The following TMEM150A variants were observed in gnomAD, a reference collection of about 807,000 sequenced individuals.
TMEM150A encodes the protein transmembrane protein 150A, also known as fasting-inducible integral membrane protein TM6P1.
A neutral mutation model predicts 29.8 loss-of-function variants in TMEM150A; 18 were observed. That is an observed-to-expected ratio of 0.60 (90% confidence interval 0.42 to 0.90). The LOEUF (loss-of-function observed/expected upper bound fraction) is 0.90. Ranked by LOEUF, TMEM150A falls within the 40% of genes least tolerant of loss-of-function variation. The probability of loss-of-function intolerance (pLI) is 0.00; values close to 1 mark genes in which losing one functional copy is unlikely to be tolerated. For missense variants in TMEM150A, 251 were observed against 349.7 expected (o/e 0.72, Z 2.25); for synonymous variants, 127 against 143.6 (o/e 0.88, Z 0.83).
chr2:85,599,938 T>G lies in TMEM150A; in HGVS notation c.349A>C (p.Thr117Pro). ...AGGCCCGCAGCGTTGGTGCAGCCTGTGATGAGTGCCGTGGTGTTAACCCAA... is the reference window on the plus strand; with the variant it reads ...AGGCCCGCAGCGTTGGTGCAGCCTGGGATGAGTGCCGTGGTGTTAACCCAA... ...HSWVNTTALI[T>P]GCTNAAGLLV... The change falls in exon 6 of 8, where the codon ACA becomes CCA. Residue 117 changes from threonine to proline, a missense_variant. Transcript: ENST00000334462. This position sits in a 1 kb window ranked among gnomAD's most constrained non-coding sequence, Gnocchi z 6.0. 3.1e-6 allele frequency: 5 copies of G among 1,612,482 alleles called. No individual in the cohort carries two copies. Among genetic ancestry groups the G allele is most frequent in the Non-Finnish European group, 4.2e-6 (5 of 1,179,866 alleles).
At position 85,602,514 on chromosome 2, in the gene TMEM150A, AC is replaced by A. The variant is rs1673033135; in HGVS notation, c.-117+92del. 6.6e-6 allele frequency: 1 copy of A among 151,284 alleles called. No individual in the cohort carries two copies. Among genetic ancestry groups the A allele is most frequent in the African/African-American group, 2.4e-5 (1 of 41,116 alleles). 9.4% of individuals were successfully genotyped at this position (151,284 alleles called of 1,614,324 possible). ...GCGCGGGGACCCCGGCTGGGGCCGG[AC>A]CCTGCGGCCGGCGACCCCCCAGGAC... On this transcript the variant is annotated intron_variant, in intron 1 of 7. Coordinates refer to ENST00000334462, the MANE Select transcript of TMEM150A (RefSeq NM_001031738.3). This position sits in a 1 kb window ranked among gnomAD's most constrained non-coding sequence, Gnocchi z 5.6.
Position 85,599,452 on chromosome 2 carries a change from C to A in TMEM150A, c.574+73G>T. On this transcript the variant is annotated intron_variant, in intron 7 of 7. Coordinates refer to ENST00000334462, the MANE Select transcript of TMEM150A (RefSeq NM_001031738.3). The surrounding 1 kb of genome is among the most constrained non-coding windows in gnomAD (Gnocchi z 6.0). ...CCACATGGCAGTGTTAGGCCTCCAC[C>A]CCCCATCCTCTTGGGAGGGAGAAAG... 6.4e-7 allele frequency: 1 copy of A among 1,566,924 alleles called. No homozygotes were observed. Among genetic ancestry groups the A allele is most frequent in the Non-Finnish European group, 8.6e-7 (1 of 1,156,652 alleles).
rs1672969179 is a variant in TMEM150A at position 85,601,664 on chromosome 2, G to A, written c.66-182C>T. 1.2e-6 allele frequency: 1 copy of A among 841,898 alleles called. No homozygotes were observed. The highest frequency in any genetic ancestry group is 1.9e-6 in the Non-Finnish European group (1 of 528,942). 52.2% of individuals were successfully genotyped at this position (841,898 alleles called of 1,614,324 possible). A position where few individuals can be genotyped will look rare whatever the true frequency, so the allele number is the denominator to read the frequency against. ...ACCTGCAGCATGCCCCCAGCTACAG[G>A]CCCTCTGGAAATTGCCCTGGCTAGA... On this transcript the variant is annotated intron_variant, in intron 2 of 7. Transcript: ENST00000334462. The surrounding 1 kb of genome is among the most constrained non-coding windows in gnomAD (Gnocchi z 4.0).
chr2:85,602,119 G>A lies in TMEM150A; in HGVS notation c.-116-55C>T. ...GGGTAACTGGCCGGGAAGGGGGAGG[G>A]GAAGGGGGTCAACACCTTATCCAGC... On this transcript the variant is annotated intron_variant, in intron 1 of 7. Transcript: ENST00000334462. This position sits in a 1 kb window ranked among gnomAD's most constrained non-coding sequence, Gnocchi z 5.6. 2 of 626,718 alleles carry A rather than the reference G, an allele frequency of 3.2e-6. No individual in the cohort carries two copies. The highest frequency in any genetic ancestry group is 2.9e-6 in the Non-Finnish European group (1 of 342,752). 38.8% of individuals were successfully genotyped at this position (626,718 alleles called of 1,614,324 possible). A position where few individuals can be genotyped will look rare whatever the true frequency, so the allele number is the denominator to read the frequency against.
rs944823254 is a variant in TMEM150A, at chr2:85,602,165, C to A, written c.-116-101G>T. ...CCAGCGCTCCCGTTGGGTCTCTGAG[C>A]GTCCAAAGTTTGGGCTGAGCCCACG... On this transcript the variant is annotated intron_variant, in intron 1 of 7. Coordinates refer to ENST00000334462, the MANE Select transcript of TMEM150A (RefSeq NM_001031738.3). This position sits in a 1 kb window ranked among gnomAD's most constrained non-coding sequence, Gnocchi z 5.6. The A allele has an allele frequency of 7.8e-6, 4 of 514,980 alleles. No individual in the cohort carries two copies. In the East Asian group the frequency reaches 1.0e-4, roughly 13 times the overall value. 31.9% of individuals were successfully genotyped at this position (514,980 alleles called of 1,614,324 possible).
rs753871969 is a variant in TMEM150A, at chr2:85,602,000, A to G, written c.-52T>C. The G allele has an allele frequency of 3.9e-6, 6 of 1,541,810 alleles. No homozygotes were observed. In the African/African-American group the frequency reaches 5.4e-5, roughly 14 times the overall value. ...GTGTTGGGGGGAGGACAAGAGGTAG[A>G]TGGGGAAGTGGGGGCGGACCAGCTA... On this transcript the variant is annotated 5_prime_UTR_variant, in exon 2 of 8. Coordinates refer to ENST00000334462, the MANE Select transcript of TMEM150A (RefSeq NM_001031738.3). The surrounding 1 kb of genome is among the most constrained non-coding windows in gnomAD (Gnocchi z 4.0).
rs1292973815 is a variant in TMEM150A at position 85,602,530 on chromosome 2, C to G, written c.-117+77G>C. On this transcript the variant is annotated intron_variant, in intron 1 of 7. Transcript: ENST00000334462. This position sits in a 1 kb window ranked among gnomAD's most constrained non-coding sequence, Gnocchi z 5.6. ...TGGGGCCGGACCCTGCGGCCGGCGA[C>G]CCCCCAGGACCCGGGACGCGAGAGT... 1.3e-5 allele frequency: 2 copies of G among 151,614 alleles called. No individual in the cohort carries two copies. Among genetic ancestry groups the G allele is most frequent in the South Asian group, 4.2e-4 (2 of 4,800 alleles). 9.4% of individuals were successfully genotyped at this position (151,614 alleles called of 1,614,324 possible).
In TMEM150A at chr2:85,600,372, G is replaced by C; in HGVS notation, c.241C>G (p.Leu81Val). 6.2e-7 allele frequency: 1 copy of C among 1,614,006 alleles called. No individual in the cohort carries two copies. The highest frequency in any genetic ancestry group is 2.2e-5 in the East Asian group (1 of 44,866). The change falls in exon 5 of 8, where the codon CTC becomes GTC. Residue 81 changes from leucine (L) to valine (V), a missense_variant. By Grantham distance (32) the Leu-to-Val change is conservative (BLOSUM62 1). Transcript: ENST00000334462. The part of the protein sequence containing the change: ...SYPPESCLFS[L>V]IGNMGAFMVA... The stretch of plus-strand genomic sequence containing the variant: ...ATGAAAGCACCCATGTTGCCAATGA[G>C]GCTGAAGAGGCAGCTTTCTGGGGGA...
chr2:85,599,577 CACAGCCAGG>C lies in TMEM150A; in HGVS notation c.513_521del (p.Asp171_Val174delinsGlu). ...CAGCCAGCACACTTCGCAGATAGGC[CACAGCCAGG>C]TCCAGCGGGGCGGTGGCCCCTTGGT... On this transcript the variant is annotated inframe_deletion, in exon 7 of 8. Transcript: ENST00000334462. This position sits in a 1 kb window ranked among gnomAD's most constrained non-coding sequence, Gnocchi z 6.0. The C allele has an allele frequency of 6.2e-7, 1 of 1,613,950 alleles. No homozygotes were observed. Among genetic ancestry groups the C allele is most frequent in the Non-Finnish European group, 8.5e-7 (1 of 1,179,906 alleles).
Position 85,599,924 on chromosome 2 carries a change from G to T in TMEM150A, c.363C>A (p.Asn121Lys). 6.2e-7 allele frequency: 1 copy of T among 1,613,524 alleles called. No homozygotes were observed. Among genetic ancestry groups the T allele is most frequent in the Non-Finnish European group, 8.5e-7 (1 of 1,180,016 alleles). ...TGCCAACCACCAAGAGGCCCGCAGC[G>T]TTGGTGCAGCCTGTGATGAGTGCCG... is the stretch of plus-strand genomic sequence containing the variant. ...NTTALITGCTNAAGLLVVGNF... is the reference protein window; with the variant it reads ...NTTALITGCTKAAGLLVVGNF... Residue 121 changes from asparagine to lysine, a missense_variant, in exon 6 of 8, where the codon AAC (asparagine) becomes AAA (lysine). Asn to Lys is a moderately conservative substitution (Grantham distance 94). Transcript: ENST00000334462. This position sits in a 1 kb window ranked among gnomAD's most constrained non-coding sequence, Gnocchi z 6.0.
rs1484795525 is a variant in TMEM150A at position 85,601,134 on chromosome 2, G to A, written c.114-27C>T. 8.1e-6 allele frequency: 13 copies of A among 1,608,160 alleles called. No homozygotes were observed. Among genetic ancestry groups the A allele is most frequent in the Admixed American group, 1.7e-5 (1 of 59,096 alleles). ...TGGCAGGCAGGACAGGGAGTAGACT[G>A]GGGGAAGGGACTGCCCCCAGGCCCT... On this transcript the variant is annotated intron_variant, in intron 3 of 7. Coordinates refer to ENST00000334462, the MANE Select transcript of TMEM150A (RefSeq NM_001031738.3). The surrounding 1 kb of genome is among the most constrained non-coding windows in gnomAD (Gnocchi z 4.0).
chr2:85,600,457 C>CG lies in TMEM150A; in HGVS notation c.201-46dup, dbSNP rs765232646. On this transcript the variant is annotated intron_variant, in intron 4 of 7. Coordinates refer to ENST00000334462, the MANE Select transcript of TMEM150A (RefSeq NM_001031738.3). Reference sequence around the variant, plus strand: ...CAGAGTAAGAGGGGTGCAGGAGGCCCGGGGGGCCCCCATTTTGGCTCACTG... The same window carrying CG: ...CAGAGTAAGAGGGGTGCAGGAGGCCCGGGGGGGCCCCCATTTTGGCTCACTG... 1.4e-5 allele frequency: 22 copies of CG among 1,521,222 alleles called. 1 individual carries two copies. Among genetic ancestry groups the CG allele is most frequent in the South Asian group, 3.4e-5 (3 of 89,012 alleles). The allele number at this position is 1,521,222 out of a possible 1,614,324, so 94.2% of individuals were successfully genotyped here.
chr2:85,602,046 A>G lies in TMEM150A; in HGVS notation c.-98T>C. The G allele has an allele frequency of 9.3e-7, 1 of 1,070,520 alleles. No homozygotes were observed. The highest frequency in any genetic ancestry group is 1.4e-6 in the Non-Finnish European group (1 of 692,512). 66.3% of individuals were successfully genotyped at this position (1,070,520 alleles called of 1,614,324 possible). On this transcript the variant is annotated 5_prime_UTR_variant, in exon 2 of 8. Transcript: ENST00000334462. This position sits in a 1 kb window ranked among gnomAD's most constrained non-coding sequence, Gnocchi z 5.6. ...AGCTACCTTGAGATGTTTCTGCCAC[A>G]ACCATCAGCTGTCCTGGCCTGGTGG...
chr2:85,600,650 T>C (rs1672884069), intron 4 of TMEM150A: 6 of 570,460 alleles, frequency 1.1e-5, no homozygotes, highest in Non-Finnish European at 1.9e-5. Context: ...ACCCTGACAC[T>C]CTTTGCTGAG....
At chr2:85,600,143 G>A (rs368056065) in intron 5 of TMEM150A, 125 bp from the exon 6 acceptor site, 31 of 1,397,164 alleles carry the variant, frequency 2.2e-5, no homozygotes, top group East Asian at 1.2e-4. Flanking sequence ...ACAGACAGGC[G>A]GGTGGTGAAC....
rs1475172139 is a variant in TMEM150A at position 85,598,612 on chromosome 2, T to C, written c.*464A>G. The C allele has an allele frequency of 6.1e-6, 1 of 164,758 alleles. No homozygotes were observed. The highest frequency in any genetic ancestry group is 2.4e-5 in the African/African-American group (1 of 41,762). The allele number at this position is 164,758 out of a possible 1,614,324, so 10.2% of individuals were successfully genotyped here. A position where few individuals can be genotyped will look rare whatever the true frequency, so the allele number is the denominator to read the frequency against. Reference sequence around the variant, plus strand: ...ATACCCACGTGGTTCTGCTGTGTTATTTGCCCTAAAGGAAGTGAGGGGCAG... The same window carrying C: ...ATACCCACGTGGTTCTGCTGTGTTACTTGCCCTAAAGGAAGTGAGGGGCAG... On this transcript the variant is annotated 3_prime_UTR_variant, in exon 8 of 8. Coordinates refer to ENST00000334462, the MANE Select transcript of TMEM150A (RefSeq NM_001031738.3).
In TMEM150A at chr2:85,601,204, C is replaced by A; in HGVS notation, c.114-97G>T. 7.4e-7 allele frequency: 1 copy of A among 1,342,436 alleles called. No individual in the cohort carries two copies. The highest frequency in any genetic ancestry group is 1.1e-6 in the Non-Finnish European group (1 of 950,008). 83.2% of individuals were successfully genotyped at this position (1,342,436 alleles called of 1,614,324 possible). The stretch of plus-strand genomic sequence containing the variant: ...TCAAAGAGGACTCTCTCCCAGACCT[C>A]CCCTACAGGGACAGAAGATCCCACT... On this transcript the variant is annotated intron_variant, in intron 3 of 7. Coordinates refer to ENST00000334462, the MANE Select transcript of TMEM150A (RefSeq NM_001031738.3). The surrounding 1 kb of genome is among the most constrained non-coding windows in gnomAD (Gnocchi z 4.0).
rs748065148 is a variant in TMEM150A at position 85,601,303 on chromosome 2, T to A, written c.113+132A>T. ...GAAGTGGGTAGGTGGCAAGAAGCCA[T>A]GCCTGGGGACCAATTTCAGAGAAGA... is the stretch of plus-strand genomic sequence containing the variant. On this transcript the variant is annotated intron_variant, in intron 3 of 7. Coordinates refer to ENST00000334462, the MANE Select transcript of TMEM150A (RefSeq NM_001031738.3). The surrounding 1 kb of genome is among the most constrained non-coding windows in gnomAD (Gnocchi z 4.0). 4.1e-5 allele frequency: 54 copies of A among 1,311,194 alleles called. No homozygotes were observed. Among genetic ancestry groups the A allele is most frequent in the Non-Finnish European group, 3.6e-5 (33 of 905,290 alleles). The allele number at this position is 1,311,194 out of a possible 1,614,324, so 81.2% of individuals were successfully genotyped here.
chr2:85,601,796 C>G lies in TMEM150A; in HGVS notation c.65+88G>C. 1 of 1,488,644 alleles carries G rather than the reference C, an allele frequency of 6.7e-7. No individual in the cohort carries two copies. The highest frequency in any genetic ancestry group is 9.3e-7 in the Non-Finnish European group (1 of 1,076,438). The allele number at this position is 1,488,644 out of a possible 1,614,324, so 92.2% of individuals were successfully genotyped here. On this transcript the variant is annotated intron_variant, in intron 2 of 7. Coordinates refer to ENST00000334462, the MANE Select transcript of TMEM150A (RefSeq NM_001031738.3). This position sits in a 1 kb window ranked among gnomAD's most constrained non-coding sequence, Gnocchi z 4.0. The stretch of plus-strand genomic sequence containing the variant: ...GGCTTTTGAGACACCCAGAGTGACC[C>G]TGGGTACCACCGTGGCTATGACAGG...
Sources: allele counts gnomAD v4.1 joint callset, GRCh38; gene constraint gnomAD v4.1.1; non-coding constraint Gnocchi (gnomAD v3.1); transcripts MANE v1.5; gene names NCBI Gene and HGNC (gene_info 2026-07-23, HGNC 2026-07-21).